The following BRD4 variants were observed in gnomAD, a reference collection of about 807,000 sequenced individuals.
BRD4 encodes bromodomain-containing protein 4.
A neutral mutation model predicts 142.1 loss-of-function variants in BRD4; 16 were observed. The ratio of observed to expected loss-of-function variants is 0.11; its 90% CI spans 0.08 to 0.17. The LOEUF is 0.17. BRD4 is among the 10% of genes least tolerant of loss of function. The probability of loss-of-function intolerance (pLI) is 1.00; values close to 1 mark genes in which losing one functional copy is unlikely to be tolerated. For missense variants in BRD4, 1,424 were observed against 1,810.9 expected (o/e 0.79, Z 3.88); for synonymous variants, 833 against 707.5 (o/e 1.18, Z -2.82).
In BRD4 at chr19:15,254,212, A is replaced by T; in HGVS notation, c.2098T>A (p.Ser700Thr). Residue 700 changes from serine (S) to threonine (T), a missense_variant, in exon 11 of 20, where the codon TCC becomes ACC. This residue lies in a region of BRD4 where 598 missense variants were observed against 647.8 expected (regional missense o/e 0.92). Coordinates refer to ENST00000679869, the MANE Select transcript of BRD4 (RefSeq NM_001379291.1). ...TCACTGGAGCTCTCCGACTCTGAGGACGAGAAGCCCTTCATCTTGGAGGAG... is the reference window on the plus strand; with the variant it reads ...TCACTGGAGCTCTCCGACTCTGAGGTCGAGAAGCCCTTCATCTTGGAGGAG... ...AGSSKMKGFS[S>T]SESESSSESS... 2 of 1,614,202 alleles carry T rather than the reference A, an allele frequency of 1.2e-6. No individual in the cohort carries two copies. The highest frequency in any genetic ancestry group is 1.3e-5 in the African/African-American group (1 of 75,064).
intron 1 of BRD4, among the ~76,000 whole-genome samples, chr19:15,317,364 C>T (rs982581292): frequency 6.6e-6 from 1 of 152,186 alleles, no homozygotes; most frequent in African/African-American, 2.4e-5. Flanking sequence ...AAGTCTGCAG[C>T]TCCCTACAGC....
intron 1 of BRD4, among the ~76,000 whole-genome samples, chr19:15,330,856 G>A (rs561813541): frequency 6.6e-6 from 1 of 152,166 alleles, no homozygotes; most frequent in Non-Finnish European, 1.5e-5. Context: ...AAATCCTTTT[G>A]AGTATCGCTT....
rs2047201740 is a variant in BRD4 at position 15,237,386 on chromosome 19, T to C, written c.*991A>G. 5 of 223,242 alleles carry C rather than the reference T, an allele frequency of 2.2e-5. No individual in the cohort carries two copies. In the Admixed American group the frequency reaches 2.9e-4, roughly 13 times the overall value. The allele number at this position is 223,242 out of a possible 1,614,324, so 13.8% of individuals were successfully genotyped here. On this transcript the variant is annotated 3_prime_UTR_variant, in exon 20 of 20. Coordinates refer to ENST00000679869, the MANE Select transcript of BRD4 (RefSeq NM_001379291.1). ...TGTTTTGTCTTTTTGTGGATTTTTTTGAGCTTTTTTCTTTTTTCACACCAG... is the reference window on the plus strand; with the variant it reads ...TGTTTTGTCTTTTTGTGGATTTTTTCGAGCTTTTTTCTTTTTTCACACCAG...
intron 10 of BRD4, among the ~76,000 whole-genome samples, chr19:15,254,993 G>T (rs2047390345): frequency 6.6e-6 from 1 of 152,154 alleles, no homozygotes; most frequent in South Asian, 2.1e-4. Context: ...CCCCAAAGAG[G>T]CCGGAGGAAG....
intron 1 of BRD4, among the ~76,000 whole-genome samples, chr19:15,302,178 A>G (rs547630008): frequency 1.1e-3 from 171 of 151,864 alleles, no homozygotes; most frequent in Middle Eastern, 3.4e-3. Flanking sequence ...AAAAAAAAAA[A>G]GGGGAATTTT....
intron 1 of BRD4, among the ~76,000 whole-genome samples, chr19:15,277,155 A>G (rs1252961687): frequency 3.3e-5 from 5 of 152,352 alleles, no homozygotes; most frequent in Middle Eastern, 3.4e-3. Context: ...CACCACGTTA[A>G]GAGTTAGCTG....
At chr19:15,242,775 C>T in intron 14 of BRD4, 125 bp downstream of exon 14, 3 of 1,433,554 alleles carry the variant, frequency 2.1e-6, no homozygotes, top group Non-Finnish European at 2.8e-6. Context: ...GGTCCCCCTC[C>T]AAGCTGAGGC....
Position 15,256,136 on chromosome 19 carries a change from T to C in BRD4, c.1679A>G (p.Asn560Ser), listed in dbSNP as rs768930102. 3.1e-6 allele frequency: 5 copies of C among 1,611,810 alleles called. No homozygotes were observed. The highest frequency in any genetic ancestry group is 1.3e-5 in the African/African-American group (1 of 74,862). The change falls in exon 9 of 20, where the codon AAT becomes AGT. Residue 560 changes from asparagine (N) to serine (S), a missense_variant. Asn to Ser is a conservative substitution (Grantham distance 46). Around this residue, in one of 16 missense-constraint regions of BRD4, gnomAD observed 86 missense variants for 78.9 expected, o/e 1.09. Coordinates refer to ENST00000679869, the MANE Select transcript of BRD4 (RefSeq NM_001379291.1). Reference sequence around the variant, plus strand: ...AGGTTCCTTGGCTTTGCTTTTTTTATTCTCTTCCACTTCCTCTTTCCTTTT... The same window carrying C: ...AGGTTCCTTGGCTTTGCTTTTTTTACTCTCTTCCACTTCCTCTTTCCTTTT... ...KHKRKEEVEE[N>S]KKSKAKEPPP...
intron 1 of BRD4, among the ~76,000 whole-genome samples, chr19:15,317,723 G>C (rs552416615): frequency 6.6e-6 from 1 of 152,306 alleles, no homozygotes; most frequent in East Asian, 1.9e-4. Flanking sequence ...AGTTACCAGA[G>C]CAGACAGGCC....
Position 15,310,986 on chromosome 19 carries a change from T to C in BRD4, c.-35+21304A>G, listed in dbSNP as rs539253083. 3.9e-5 allele frequency among the ~76,000 whole-genome samples: 6 copies of C among 152,094 alleles called. No homozygotes were observed. The East Asian group carries it at 1.2e-3, about 30-fold the overall frequency. ...CGCACCCACGTTCTTAGTTCTAACATGTGTTCAAAAAGTAAGCAAGATGGC... is the reference window on the plus strand; with the variant it reads ...CGCACCCACGTTCTTAGTTCTAACACGTGTTCAAAAAGTAAGCAAGATGGC... On this transcript the variant is annotated intron_variant, in intron 1 of 19. Coordinates refer to ENST00000679869, the MANE Select transcript of BRD4 (RefSeq NM_001379291.1).
chr19:15,281,308 A>G (rs997936140), intron 1 of BRD4, among the ~76,000 whole-genome samples: 1 of 151,744 alleles, frequency 6.6e-6, no homozygotes, highest in Non-Finnish European at 1.5e-5. Context: ...GCCTTGGATT[A>G]GACAAGCCAA....
chr19:15,281,883 C>T (rs1330535220), intron 1 of BRD4, among the ~76,000 whole-genome samples: 3 of 152,006 alleles, frequency 2.0e-5, no homozygotes, highest in Admixed American at 6.6e-5. Context: ...CCAGGCATGG[C>T]GGCGTGCACC....
intron 1 of BRD4, among the ~76,000 whole-genome samples, chr19:15,312,643 A>C (rs775235678): frequency 4.6e-5 from 7 of 151,018 alleles, no homozygotes; most frequent in African/African-American, 1.5e-4. Context: ...ATCAAACAAC[A>C]ACCAAAAACA....
chr19:15,329,576 T>C (rs1480474821), intron 1 of BRD4, among the ~76,000 whole-genome samples: 1 of 151,810 alleles, frequency 6.6e-6, no homozygotes, highest in African/African-American at 2.4e-5. Context: ...CCGTCTCTAC[T>C]AAAAATACAA....
chr19:15,243,422 TG>T lies in BRD4; in HGVS notation c.2646del (p.Lys883SerfsTer12). 1 of 1,572,136 alleles carries T rather than the reference TG, an allele frequency of 6.4e-7. No individual in the cohort carries two copies. On this transcript the variant is annotated frameshift_variant, in exon 14 of 20. Transcript: ENST00000679869. LOFTEE classifies it high-confidence loss of function. ...GACACGGCTGGGGGCCGGGCGGGCTTGGGAGGCAGGGCAGCGGCTCGGTTGC... is the reference window on the plus strand; with the variant it reads ...GACACGGCTGGGGGCCGGGCGGGCTTGGAGGCAGGGCAGCGGCTCGGTTGC... ...RPSNRAAALP[P>X]KPARPPAVSP...
rs905328756 is a variant in BRD4 at position 15,256,176 on chromosome 19, T to G, written c.1639A>C (p.Lys547Gln). 6.2e-7 allele frequency: 1 copy of G among 1,612,846 alleles called. No individual in the cohort carries two copies. Among genetic ancestry groups the G allele is most frequent in the Admixed American group, 1.7e-5 (1 of 60,006 alleles). The change falls in exon 9 of 20, where the codon AAA (lysine) becomes CAA (glutamine). Residue 547 changes from lysine to glutamine, a missense_variant. Coordinates refer to ENST00000679869, the MANE Select transcript of BRD4 (RefSeq NM_001379291.1). Reference protein sequence around the residue: ...KKKEKDKKEKKKEKHKRKEEV... With the variant: ...KKKEKDKKEKQKEKHKRKEEV... ...TCTTTCCTTTTGTGCTTTTCTTTTTTCTTTTCCTTCTTGTCTTTCTCCTTT... is the reference window on the plus strand; with the variant it reads ...TCTTTCCTTTTGTGCTTTTCTTTTTGCTTTTCCTTCTTGTCTTTCTCCTTT...
intron 1 of BRD4, among the ~76,000 whole-genome samples, chr19:15,301,082 A>G (rs115046910): frequency 6.6e-6 from 1 of 152,336 alleles, no homozygotes; most frequent in African/African-American, 2.4e-5. Flanking sequence ...CATATGATGA[A>G]ACACTACTCA....
At position 15,327,930 on chromosome 19, in the gene BRD4, G is replaced by GT. The variant is rs1555748781; in HGVS notation, c.-35+4359dup. Among the ~76,000 whole-genome samples the GT allele has an allele frequency of 3.8e-4, 19 of 49,542 alleles. 2 individuals are homozygous for GT. Among genetic ancestry groups the GT allele is most frequent in the African/African-American group, 1.7e-3 (19 of 11,256 alleles). 32.5% of individuals were successfully genotyped at this position (49,542 alleles called of 152,430 possible). On this transcript the variant is annotated intron_variant, in intron 1 of 19. Coordinates refer to ENST00000679869, the MANE Select transcript of BRD4 (RefSeq NM_001379291.1). ...AATGGATTTCTTTTGGGGGGGGGGG[G>GT]TGGAAATGTCCTAAAATTGGTTGCA...
At chr19:15,272,740 G>T in intron 2 of BRD4, 75 bp downstream of exon 2, 1 of 1,427,982 alleles carries the variant, frequency 7.0e-7, no homozygotes, top group Non-Finnish European at 9.5e-7. Context: ...CTCCCCCCAG[G>T]AACTGCCCTG....
Sources: gnomAD v4.1 joint callset for allele counts (sites outside exome capture counted in the v4.1 genomes callset) on GRCh38, gnomAD v4.1.1 for gene constraint, gnomAD v4.1.1 regional missense constraint, MANE v1.5 for transcripts, NCBI Gene and HGNC (gene_info 2026-07-23, HGNC 2026-07-21) for gene names.